ZNF671: variants seen among roughly 807,000 people sequenced by gnomAD.
The protein encoded by ZNF671 is zinc finger protein 671, also known as hypothetical protein FLJ23506.
ZNF671 carries 19 observed loss-of-function variants against 16.6 expected under a neutral mutation model. That is an observed-to-expected ratio of 1.14 (90% CI 0.80 to 1.68). ZNF671 has a LOEUF of 1.68. Among genes scored for constraint, ZNF671 ranks in the 40% most tolerant of loss-of-function variants. The pLI is 0.00. For synonymous variants in ZNF671, 238 were observed against 236.3 expected (o/e 1.01, Z -0.06); for missense variants, 637 against 659.8 (o/e 0.97, Z 0.38).
intron 3 of ZNF671, chr19:57,721,991 G>A: frequency 1.8e-6 from 1 of 552,000 alleles, no homozygotes; most frequent in Non-Finnish European, 3.2e-6. Flanking sequence ...TCCAGTCCCA[G>A]GAAAATCCAA....
At chr19:57,722,241 C>T in intron 3 of ZNF671, 75 bp downstream of exon 3, 4 of 1,581,862 alleles carry the variant, frequency 2.5e-6, no homozygotes, top group Non-Finnish European at 3.4e-6. Flanking sequence ...TGGAAACAAA[C>T]ACTGATGTGA....
In ZNF671 at chr19:57,720,634, G is replaced by A. The variant is rs201753059; in HGVS notation, c.1452C>T (p.Cys484=). Residue 484 remains cysteine (C), a synonymous_variant, in exon 4 of 4, where the codon TGC becomes TGT. Transcript: ENST00000317398. ...TGGGTCTTTGAGTGAAGGCTTTCCCGCACTTGCTGCACTCATAAGGCTTTT... is the reference window on the plus strand; with the variant it reads ...TGGGTCTTTGAGTGAAGGCTTTCCCACACTTGCTGCACTCATAAGGCTTTT... The part of the protein sequence containing the change: ...SGEKPYECSK[C]GKAFTQRPNL... 23 of 1,614,074 alleles carry A rather than the reference G, an allele frequency of 1.4e-5. No homozygotes were observed. In the African/African-American group the frequency reaches 2.3e-4, roughly 16 times the overall value.
At chr19:57,726,080 C>G (rs1427315943) in intron 1 of ZNF671, among the ~76,000 whole-genome samples, 2 of 144,248 alleles carry the variant, frequency 1.4e-5, no homozygotes, top group East Asian at 4.2e-4. Flanking sequence ...AACGTCCCCC[C>G]CACTCCCCCG....
chr19:57,720,504 C>T lies in ZNF671; in HGVS notation c.1582G>A (p.Val528Ile), dbSNP rs780978812. ...RKQTLVLHQR[V>I]HAGEKL ...TCTTAAAGCTTTTCTCCAGCATGAA[C>T]CCTCTGGTGCAGAACAAGTGTCTGT... Residue 528 changes from valine to isoleucine, a missense_variant, in exon 4 of 4, where the codon GTT (valine) becomes ATT (isoleucine). Coordinates refer to ENST00000317398, the MANE Select transcript of ZNF671 (RefSeq NM_024833.3). 6.2e-7 allele frequency: 1 copy of T among 1,613,418 alleles called. No individual in the cohort carries two copies. The highest frequency in any genetic ancestry group is 8.5e-7 in the Non-Finnish European group (1 of 1,179,414).
rs770026930 is a variant in ZNF671 at position 57,720,781 on chromosome 19, G to A, written c.1305C>T (p.Ser435=). The part of the protein sequence containing the change: ...YECSECGKAF[S]QSSHLNVHWR... ...AGTGTACATTAAGGTGGGAGCTTTG[G>A]CTAAAGGCCTTCCCACATTCACTGC... Residue 435 remains serine (S), a synonymous_variant, in exon 4 of 4, where the codon AGC becomes AGT. Transcript: ENST00000317398. 66 of 1,614,036 alleles carry A rather than the reference G, an allele frequency of 4.1e-5. No individual in the cohort carries two copies. In the Admixed American group the frequency reaches 1.1e-3, roughly 26 times the overall value.
Position 57,722,381 on chromosome 19 carries a change from C to A in ZNF671, c.323G>T (p.Trp108Leu). 6.2e-7 allele frequency: 1 copy of A among 1,614,160 alleles called. No individual in the cohort carries two copies. The highest frequency in any genetic ancestry group is 1.1e-5 in the South Asian group (1 of 91,082). Reference sequence around the variant, plus strand: ...AGTCATATCCACCTGGTCATACACCCAGGGCTCTTCTCCTCGCTCTAGTTT... The same window carrying A: ...AGTCATATCCACCTGGTCATACACCAAGGGCTCTTCTCCTCGCTCTAGTTT... ...VMKLERGEEP[W>L]VYDQVDMTSA... The change falls in exon 3 of 4, where the codon TGG becomes TTG. Residue 108 changes from tryptophan to leucine, a missense_variant. Coordinates refer to ENST00000317398, the MANE Select transcript of ZNF671 (RefSeq NM_024833.3).
rs2122459022 is a variant in ZNF671 at position 57,722,301 on chromosome 19, C to G, written c.388+15G>C. On this transcript the variant is annotated intron_variant, in intron 3 of 3. Transcript: ENST00000317398. ...CCCAGCTTTGACATCGTGCCCTTCC[C>G]CGATGTCCACTCACCAGGTCTAAGT... 1 of 1,613,408 alleles carries G rather than the reference C, an allele frequency of 6.2e-7. No individual in the cohort carries two copies. Among genetic ancestry groups the G allele is most frequent in the East Asian group, 2.2e-5 (1 of 44,896 alleles).
chr19:57,721,386 C>T lies in ZNF671; in HGVS notation c.700G>A (p.Val234Ile). 2.5e-6 allele frequency: 4 copies of T among 1,614,226 alleles called. No homozygotes were observed. The South Asian group carries it at 3.3e-5, about 13-fold the overall frequency. Residue 234 changes from valine (V) to isoleucine (I), a missense_variant, in exon 4 of 4, where the codon GTC becomes ATC. By Grantham distance (29) the Val-to-Ile change is conservative. Transcript: ENST00000317398. ...GTGAGGGTCTTCTCTGGCACATGGA[C>T]TCTGCAGCTTTTCACAGAGTCTCTG... ...EGRDSVKSCR[V>I]HVPEKTLTCG... is the part of the protein sequence containing the mutation.
Position 57,723,168 on chromosome 19 carries a change from A to G in ZNF671, c.265+46T>C, listed in dbSNP as rs369063773. ...AGGAAGCGGTGCTCATGATCCCACCATAGGAAGAACAGAGTGGTAAAGGCA... is the reference window on the plus strand; with the variant it reads ...AGGAAGCGGTGCTCATGATCCCACCGTAGGAAGAACAGAGTGGTAAAGGCA... On this transcript the variant is annotated intron_variant, in intron 2 of 3. Transcript: ENST00000317398. The G allele has an allele frequency of 3.2e-6, 5 of 1,561,652 alleles. No individual in the cohort carries two copies. In the African/African-American group the frequency reaches 4.1e-5, roughly 13 times the overall value.
Position 57,721,108 on chromosome 19 carries a change from A to G in ZNF671, c.978T>C (p.Tyr326=), listed in dbSNP as rs1568467042. 3.7e-6 allele frequency: 6 copies of G among 1,613,886 alleles called. No individual in the cohort carries two copies. Among genetic ancestry groups the G allele is most frequent in the Non-Finnish European group, 5.1e-6 (6 of 1,179,996 alleles). Residue 326 remains tyrosine, a synonymous_variant, in exon 4 of 4, where the codon TAT becomes TAC. Coordinates refer to ENST00000317398, the MANE Select transcript of ZNF671 (RefSeq NM_024833.3). ...NECGKFFSQS[Y]DLFKHQTVHT... is the part of the protein sequence containing the mutation. ...GAACTGTCTGGTGTTTAAAGAGGTC[A>G]TAGCTTTGGCTGAAGAATTTCCCAC...
intron 3 of ZNF671, 56 bp downstream of exon 3, chr19:57,722,260 T>C: frequency 2.5e-6 from 4 of 1,606,250 alleles, no homozygotes; most frequent in Non-Finnish European, 3.4e-6. Context: ...GAACAGTTAA[T>C]GTTGCCAGTT....
Position 57,720,518 on chromosome 19 carries a change from A to G in ZNF671, c.1568T>C (p.Val523Ala). ...TCCAGCATGAACCCTCTGGTGCAGA[A>G]CAAGTGTCTGTTTCCGGATGAATTC... ...GREFIRKQTLVLHQRVHAGEK... is the reference protein window; with the variant it reads ...GREFIRKQTLALHQRVHAGEK... The change falls in exon 4 of 4, where the codon GTT becomes GCT. Residue 523 changes from valine to alanine, a missense_variant. Val to Ala is a moderately conservative substitution (Grantham distance 64). Transcript: ENST00000317398. 1.2e-6 allele frequency: 2 copies of G among 1,614,216 alleles called. No homozygotes were observed. Among genetic ancestry groups the G allele is most frequent in the Non-Finnish European group, 1.7e-6 (2 of 1,180,026 alleles).
rs557507657 is a variant in ZNF671, at chr19:57,727,372, C to T, written c.138+19G>A. 2 of 1,583,278 alleles carry T rather than the reference C, an allele frequency of 1.3e-6. No homozygotes were observed. The highest frequency in any genetic ancestry group is 1.7e-5 in the Admixed American group (1 of 58,026). The stretch of plus-strand genomic sequence containing the variant: ...GTCGGAGAAAGGGTGACTGAGGGCC[C>T]GGAGGACGCAGCACCCACCCGCGCG... On this transcript the variant is annotated intron_variant, in intron 1 of 3. Transcript: ENST00000317398.
chr19:57,724,578 T>C (rs1985984253), intron 1 of ZNF671, among the ~76,000 whole-genome samples: 1 of 151,104 alleles, frequency 6.6e-6, no homozygotes, highest in African/African-American at 2.4e-5. Flanking sequence ...CAGGCTGGAG[T>C]GCAGTGGCAC....
At chr19:57,727,118 G>A (rs976547612) in intron 1 of ZNF671, 1 of 373,398 alleles carries the variant, frequency 2.7e-6, no homozygotes, top group Non-Finnish European at 4.8e-6. Flanking sequence ...AGAATGAAGC[G>A]ACAACTTCTC....
At chr19:57,726,993 C>T (rs1234061599) in intron 1 of ZNF671, 1 of 169,160 alleles carries the variant, frequency 5.9e-6, no homozygotes, top group Non-Finnish European at 1.3e-5. Flanking sequence ...CGTATCCATC[C>T]TCGCAGTCCC....
At chr19:57,723,672 C>CCTCT (rs1319436482) in intron 1 of ZNF671, among the ~76,000 whole-genome samples, 5 of 151,866 alleles carry the variant, frequency 3.3e-5, no homozygotes. Flanking sequence ...CACACTCCCT[C>CCTCT]CTCTCATACA....
At chr19:57,723,544 A>G (rs1349396624) in intron 1 of ZNF671, among the ~76,000 whole-genome samples, 1 of 152,134 alleles carries the variant, frequency 6.6e-6, no homozygotes, top group Non-Finnish European at 1.5e-5. Context: ...GCTGACAGAT[A>G]AATGCCATTT....
chr19:57,725,300 C>T (rs781453418), intron 1 of ZNF671, among the ~76,000 whole-genome samples: 3 of 150,470 alleles, frequency 2.0e-5, no homozygotes, highest in African/African-American at 4.9e-5. Context: ...CCCGTCTCTA[C>T]CAAAAATACA....
Sources: allele counts gnomAD v4.1 joint callset (sites outside exome capture counted in the v4.1 genomes callset), GRCh38; gene constraint gnomAD v4.1.1; transcripts MANE v1.5; gene names NCBI Gene and HGNC (gene_info 2026-07-23, HGNC 2026-07-21).